The following DACH2 variants were observed in gnomAD, a reference collection of about 807,000 sequenced individuals.
DACH2 encodes the protein dachshund homolog 2.
DACH2 carries 17 observed loss-of-function variants against 35.8 expected under a neutral mutation model. The observed-to-expected ratio is 0.48, with a 90% CI of 0.33 to 0.71. DACH2 has a LOEUF of 0.71. DACH2 is among the 30% of genes least tolerant of loss of function. DACH2 has a pLI of 0.02. For missense variants in DACH2, 469 were observed against 472.7 expected, an observed-to-expected ratio of 0.99 and a Z score of 0.07; for synonymous variants, 195 against 177.3, an observed-to-expected ratio of 1.10 and a Z score of -0.79.
At chrX:86,601,774 C>G (rs949115177) in intron 3 of DACH2, among the ~76,000 whole-genome samples, 2 of 112,082 alleles carry the variant, frequency 1.8e-5, no homozygotes, top group Non-Finnish European at 3.8e-5. Flanking sequence ...GTAACTTTTT[C>G]AAAGTCACAA....
intron 1 of DACH2, among the ~76,000 whole-genome samples, chrX:86,320,561 G>T (rs1390296094): frequency 8.9e-6 from 1 of 112,108 alleles, no homozygotes; most frequent in Non-Finnish European, 1.9e-5. Context: ...TTTCCTTAAA[G>T]GCCAGCAGTC....
intron 2 of DACH2, among the ~76,000 whole-genome samples, chrX:86,472,650 T>G (rs181172375): frequency 8.9e-6 from 1 of 112,300 alleles, no homozygotes; most frequent in East Asian, 2.8e-4. Context: ...TTTAATTAGT[T>G]GATGAGTACC....
At chrX:86,809,708 G>A (rs1313666833) in intron 7 of DACH2, among the ~76,000 whole-genome samples, 5 of 110,862 alleles carry the variant, frequency 4.5e-5, no homozygotes, top group Non-Finnish European at 9.4e-5. Context: ...CCTTTTTCTA[G>A]GACTAGGAAA....
intron 1 of DACH2, among the ~76,000 whole-genome samples, chrX:86,245,007 A>T (rs1218909969): frequency 8.9e-6 from 1 of 111,972 alleles, no homozygotes; most frequent in Non-Finnish European, 1.9e-5. Context: ...TATCAGTAAG[A>T]TATAGTCTGG....
chrX:86,397,385 C>A (rs1331273390), intron 2 of DACH2, among the ~76,000 whole-genome samples: 1 of 111,261 alleles, frequency 9.0e-6, no homozygotes, highest in African/African-American at 3.3e-5. Context: ...CCTTTATTTT[C>A]TTCTCTTGCC....
intron 1 of DACH2, among the ~76,000 whole-genome samples, chrX:86,363,462 C>A: frequency 9.0e-6 from 1 of 110,773 alleles, no homozygotes; most frequent in South Asian, 3.8e-4. Context: ...TGTGTGTGAT[C>A]CTATTGGTAC....
At chrX:86,736,556 T>C (rs1212999602) in intron 6 of DACH2, among the ~76,000 whole-genome samples, 2 of 111,259 alleles carry the variant, frequency 1.8e-5, no homozygotes, top group Non-Finnish European at 3.8e-5. Context: ...TTTGTTAACG[T>C]TCTTGATATT....
chrX:86,621,742 G>A (rs1215573902), intron 3 of DACH2, among the ~76,000 whole-genome samples: 4 of 111,523 alleles, frequency 3.6e-5, no homozygotes, highest in African/African-American at 1.3e-4. Context: ...ATAAGATCAT[G>A]TATTTGAAGT....
At chrX:86,718,752 T>C (rs922683992) in intron 6 of DACH2, among the ~76,000 whole-genome samples, 1 of 111,712 alleles carries the variant, frequency 9.0e-6, no homozygotes, top group African/African-American at 3.2e-5. Context: ...CCCCAGTATA[T>C]GTTCCTGTTG....
intron 3 of DACH2, among the ~76,000 whole-genome samples, chrX:86,529,973 ACACG>A (rs200437134): frequency 2.4e-3 from 102 of 43,332 alleles, no homozygotes; most frequent in African/African-American, 4.3e-3. Context: ...ACACACACAC[ACACG>A]CACACACACA....
intron 7 of DACH2, among the ~76,000 whole-genome samples, chrX:86,800,186 TC>T (rs2042278548): frequency 8.9e-6 from 1 of 112,571 alleles, no homozygotes; most frequent in African/African-American, 3.2e-5. Context: ...TTCCTCTTTG[TC>T]TAATAGTTAT....
At chrX:86,418,540 C>T (rs751086712) in intron 2 of DACH2, among the ~76,000 whole-genome samples, 1 of 112,023 alleles carries the variant, frequency 8.9e-6, no homozygotes, top group South Asian at 3.7e-4. Flanking sequence ...AGCCATGGTC[C>T]CAGCTCTATG....
chrX:86,719,815 G>A (rs746895164), intron 6 of DACH2, among the ~76,000 whole-genome samples: 6 of 110,108 alleles, frequency 5.4e-5, no homozygotes, highest in Non-Finnish European at 1.1e-4. Context: ...TTTGGGTGGG[G>A]ACACAGAGGC....
chrX:86,698,533 T>G (rs1300495315), intron 5 of DACH2, among the ~76,000 whole-genome samples: 20 of 63,029 alleles, frequency 3.2e-4, no homozygotes, highest in South Asian at 9.1e-4. Context: ...TTTTTTTTTT[T>G]TTTTTTTTTT....
chrX:86,780,924 G>A (rs5968993), intron 7 of DACH2, among the ~76,000 whole-genome samples: 26,371 of 110,527 alleles, frequency 0.24, 2,436 homozygotes, highest in East Asian at 0.46. Context: ...AAACAAAGGT[G>A]GAAAGGCTGA....
chrX:86,493,144 T>C (rs757326567), intron 2 of DACH2, among the ~76,000 whole-genome samples: 19 of 111,700 alleles, frequency 1.7e-4, no homozygotes, highest in African/African-American at 6.2e-4. Flanking sequence ...TGTTTTTTTG[T>C]TTTTACTTTT....
chrX:86,284,174 T>C (rs756835490), intron 1 of DACH2, among the ~76,000 whole-genome samples: 22 of 111,821 alleles, frequency 2.0e-4, no homozygotes, highest in African/African-American at 6.8e-4. Context: ...CTTGTCATGT[T>C]CCAGATCTTA....
intron 3 of DACH2, among the ~76,000 whole-genome samples, chrX:86,638,039 A>G (rs2040298276): frequency 1.0e-5 from 1 of 95,992 alleles, no homozygotes; most frequent in African/African-American, 3.6e-5. Context: ...AACGAAAACA[A>G]TAAGAAACTG....
intron 3 of DACH2, among the ~76,000 whole-genome samples, chrX:86,583,756 C>A (rs990990055): frequency 9.2e-6 from 1 of 108,825 alleles, no homozygotes; most frequent in African/African-American, 3.3e-5. Flanking sequence ...CAGGAATAAA[C>A]CCCACTTGGT....
Sources: gnomAD v4.1 joint callset for allele counts (sites outside exome capture counted in the v4.1 genomes callset) on GRCh38, gnomAD v4.1.1 for gene constraint, MANE v1.5 for transcripts, NCBI Gene and HGNC (gene_info 2026-07-23, HGNC 2026-07-21) for gene names.